The following HDAC9 variants were observed in gnomAD, a reference collection of about 807,000 sequenced individuals.
HDAC9 encodes MEF-2 interacting transcription repressor (MITR) protein.
A neutral mutation model predicts 139.4 loss-of-function variants in HDAC9; 41 were observed. The ratio of observed to expected loss-of-function variants is 0.29; its 90% confidence interval spans 0.23 to 0.38. The LOEUF (loss-of-function observed/expected upper bound fraction) is 0.38. Ranked by LOEUF, HDAC9 falls within the 10% of genes least tolerant of loss-of-function variation. The probability of loss-of-function intolerance (pLI) is 1.00; values close to 1 mark genes in which losing one functional copy is unlikely to be tolerated. For synonymous variants in HDAC9, 517 were observed against 476.2 expected (o/e 1.09, Z -1.12); for missense variants, 1,147 against 1,297.0 (o/e 0.88, Z 1.78).
chr7:18,124,958 G>A (rs922653245), intron 1 of HDAC9, among the ~76,000 whole-genome samples: 7 of 151,808 alleles, frequency 4.6e-5, no homozygotes, highest in African/African-American at 1.2e-4. Context: ...GTTGTTGGGG[G>A]AAGCTTCTCT....
intron 1 of HDAC9, among the ~76,000 whole-genome samples, chr7:18,304,636 C>T (rs1036914695): frequency 3.3e-5 from 5 of 152,056 alleles, no homozygotes; most frequent in African/African-American, 1.2e-4. Flanking sequence ...TAATAGAGAT[C>T]AGTGAATCTC....
At chr7:18,379,882 A>G (rs1785283644) in intron 1 of HDAC9, among the ~76,000 whole-genome samples, 1 of 152,240 alleles carries the variant, frequency 6.6e-6, no homozygotes, top group African/African-American at 2.4e-5. Context: ...CTAAAGGATC[A>G]GTTAGAACTT....
intron 1 of HDAC9, among the ~76,000 whole-genome samples, chr7:18,446,980 C>T (rs994395274): frequency 2.0e-4 from 31 of 152,066 alleles, no homozygotes; most frequent in African/African-American, 1.2e-4. Context: ...TCAATAAATG[C>T]TTGTGACCAT....
chr7:18,850,081 T>TAAAAAAAAAAAAA (rs11327408), intron 21 of HDAC9, among the ~76,000 whole-genome samples: 4 of 82,304 alleles, frequency 4.9e-5, no homozygotes, highest in Admixed American at 2.7e-4. Flanking sequence ...AAAGCCTGAG[T>TAAAAAAAAAAAAA]AAAAAAAAAA....
intron 2 of HDAC9, among the ~76,000 whole-genome samples, chr7:18,541,145 T>TG (rs1432022028): frequency 1.4e-3 from 208 of 145,404 alleles, no homozygotes; most frequent in African/African-American, 5.2e-3. Context: ...AACCGTGTTT[T>TG]TTTTTTTTTT....
chr7:18,796,640 C>A (rs1217482208), intron 17 of HDAC9, among the ~76,000 whole-genome samples: 1 of 152,066 alleles, frequency 6.6e-6, no homozygotes, highest in Admixed American at 6.5e-5. Context: ...TTCTCAGATT[C>A]TCTTACAAAG....
At chr7:18,942,024 T>C (rs953824354) in intron 23 of HDAC9, among the ~76,000 whole-genome samples, 5 of 151,996 alleles carry the variant, frequency 3.3e-5, no homozygotes, top group African/African-American at 1.2e-4. Flanking sequence ...ATTTCACAGG[T>C]TGTGGTAACC....
At chr7:18,820,570 G>A (rs944029062) in intron 17 of HDAC9, among the ~76,000 whole-genome samples, 1 of 152,116 alleles carries the variant, frequency 6.6e-6, no homozygotes, top group Admixed American at 6.6e-5. Context: ...GTGCAAAATC[G>A]GGGGCCCTTG....
chr7:18,574,088 C>G (rs1011586069), intron 2 of HDAC9, among the ~76,000 whole-genome samples: 2 of 152,248 alleles, frequency 1.3e-5, no homozygotes, highest in African/African-American at 4.8e-5. Flanking sequence ...ATTGGCAGAA[C>G]AGTTCTCAAG....
intron 12 of HDAC9, among the ~76,000 whole-genome samples, chr7:18,710,708 T>G (rs1302561796): frequency 6.6e-6 from 1 of 152,158 alleles, no homozygotes; most frequent in Non-Finnish European, 1.5e-5. Context: ...CATCAAATGC[T>G]CCTTGATGAG....
chr7:18,783,073 A>G lies in HDAC9; in HGVS notation c.2215-10272A>G, dbSNP rs928395211. On this transcript the variant is annotated intron_variant, in intron 16 of 25. Coordinates refer to ENST00000686413, the MANE Select transcript of HDAC9 (RefSeq NM_178425.4). ...CTGTTTAAAAGTATATTTAAAGCCT[A>G]ACAATTTCTCGAAATCCTGGGGTTA... Among the ~76,000 whole-genome samples, 6 of 152,204 alleles carry G rather than the reference A, an allele frequency of 3.9e-5. No homozygotes were observed. In the East Asian group the frequency reaches 1.2e-3, roughly 30 times the overall value.
At chr7:18,866,227 T>C (rs557965853) in intron 21 of HDAC9, among the ~76,000 whole-genome samples, 38 of 151,918 alleles carry the variant, frequency 2.5e-4, no homozygotes, top group South Asian at 6.3e-4. Context: ...ACTGCAGGGC[T>C]ATGTCCACCT....
At chr7:18,299,417 T>G (rs1335715846) in intron 1 of HDAC9, among the ~76,000 whole-genome samples, 6 of 152,180 alleles carry the variant, frequency 3.9e-5, no homozygotes, top group Non-Finnish European at 8.8e-5. Context: ...AGATATATTT[T>G]TTTTCCTAGC....
chr7:18,739,003 AT>A (rs1170389292), intron 13 of HDAC9, among the ~76,000 whole-genome samples: 4 of 151,952 alleles, frequency 2.6e-5, no homozygotes, highest in African/African-American at 9.7e-5. Context: ...ACTTCATTTC[AT>A]TAATTTGATC....
chr7:18,763,685 C>T (rs543632383), intron 15 of HDAC9, among the ~76,000 whole-genome samples: 1 of 152,182 alleles, frequency 6.6e-6, no homozygotes, highest in East Asian at 1.9e-4. Flanking sequence ...AACTAACCAA[C>T]AAGATGAAGT....
intron 12 of HDAC9, among the ~76,000 whole-genome samples, chr7:18,681,799 G>T (rs1183670857): frequency 6.6e-6 from 1 of 151,992 alleles, no homozygotes; most frequent in Non-Finnish European, 1.5e-5. Flanking sequence ...TACTGTCCCA[G>T]GTGCCAAGAT....
At chr7:18,619,908 A>G (rs994203563) in intron 6 of HDAC9, among the ~76,000 whole-genome samples, 2 of 152,042 alleles carry the variant, frequency 1.3e-5, no homozygotes, top group Non-Finnish European at 2.9e-5. Flanking sequence ...GCCCTGGAGG[A>G]TCCTCTTTCA....
chr7:18,311,562 A>G (rs1190818372), intron 1 of HDAC9, among the ~76,000 whole-genome samples: 2 of 152,108 alleles, frequency 1.3e-5, no homozygotes, highest in South Asian at 2.1e-4. Context: ...AGGCACAGAG[A>G]GGTTAGGTTA....
chr7:18,994,167 C>G (rs1020579464), intron 25 of HDAC9, among the ~76,000 whole-genome samples: 3 of 152,122 alleles, frequency 2.0e-5, no homozygotes, highest in African/African-American at 7.2e-5. Context: ...CCACACGTGA[C>G]TGTCTCTGGA....
Sources: gnomAD v4.1 joint callset for allele counts (sites outside exome capture counted in the v4.1 genomes callset) on GRCh38, gnomAD v4.1.1 for gene constraint, MANE v1.5 for transcripts, NCBI Gene and HGNC (gene_info 2026-07-23, HGNC 2026-07-21) for gene names.